Variants in MOXD1 observed in about 807,000 individuals in gnomAD.
MOXD1 encodes DBH-like monooxygenase protein 1.
Under a neutral mutation model 66.6 loss-of-function variants are expected in MOXD1, and 62 were observed. The observed-to-expected ratio is 0.93, with a 90% CI of 0.76 to 1.15. MOXD1 has a LOEUF of 1.15. Ranked by LOEUF, MOXD1 falls within the 50% of genes most tolerant of loss-of-function variation. MOXD1 has a pLI of 0.00. For missense variants in MOXD1, 847 were observed against 754.6 expected, an observed-to-expected ratio of 1.12 and a Z score of -1.44; for synonymous variants, 303 against 281.9, an observed-to-expected ratio of 1.07 and a Z score of -0.75.
At chr6:132,348,857 A>G (rs888909000) in intron 4 of MOXD1, among the ~76,000 whole-genome samples, 1 of 152,200 alleles carries the variant, frequency 6.6e-6, no homozygotes, top group Admixed American at 6.5e-5. Flanking sequence ...CTAAACCAGC[A>G]TTTCTTTTTG....
At chr6:132,297,678 G>C in intron 11 of MOXD1, 109 bp downstream of exon 11, 2 of 1,306,586 alleles carry the variant, frequency 1.5e-6, no homozygotes, top group Non-Finnish European at 2.1e-6. Context: ...GACATTAGAA[G>C]GCAACTGGAC....
intron 4 of MOXD1, among the ~76,000 whole-genome samples, chr6:132,358,330 A>T (rs1009076292): frequency 7.2e-5 from 11 of 152,246 alleles, no homozygotes. Context: ...AGAGTTCAAC[A>T]CAGTAATTCA....
chr6:132,327,533 T>C (rs1024243577), intron 6 of MOXD1, among the ~76,000 whole-genome samples: 1 of 152,210 alleles, frequency 6.6e-6, no homozygotes. Flanking sequence ...TCCTTACATT[T>C]CTTTACTTCA....
intron 6 of MOXD1, among the ~76,000 whole-genome samples, chr6:132,327,612 C>A (rs1406510583): frequency 1.3e-5 from 2 of 152,172 alleles, no homozygotes; most frequent in African/African-American, 4.8e-5. Context: ...TACCACACAA[C>A]AAAATGCTTA....
chr6:132,344,319 C>T (rs1037732391), intron 4 of MOXD1, among the ~76,000 whole-genome samples: 3 of 152,148 alleles, frequency 2.0e-5, no homozygotes, highest in African/African-American at 7.2e-5. Flanking sequence ...ACAAGGTGAT[C>T]ATGAGGATTG....
At chr6:132,358,992 G>A (rs1401146288) in intron 4 of MOXD1, among the ~76,000 whole-genome samples, 3 of 152,144 alleles carry the variant, frequency 2.0e-5, no homozygotes, top group African/African-American at 7.2e-5. Flanking sequence ...AAACACAGCT[G>A]ACATTAGCGA....
rs3736698 is a variant in MOXD1 at position 132,328,184 on chromosome 6, C to T, written c.844-69G>A. Reference sequence around the variant, plus strand: ...CTGAGAGCTCTATTCCACTCAAAAACCAGCCATCTTCAAGGATATTTCAAC... The same window carrying T: ...CTGAGAGCTCTATTCCACTCAAAAATCAGCCATCTTCAAGGATATTTCAAC... On this transcript the variant is annotated intron_variant, in intron 5 of 11. Coordinates refer to ENST00000367963, the MANE Select transcript of MOXD1 (RefSeq NM_015529.4). 1.2e-3 allele frequency: 1,712 copies of T among 1,373,046 alleles called. 24 individuals are homozygous for T. The African/African-American group carries it at 0.022, about 17-fold the overall frequency. 85.1% of individuals were successfully genotyped at this position (1,373,046 alleles called of 1,614,324 possible). A position where few individuals can be genotyped will look rare whatever the true frequency, so the allele number is the denominator to read the frequency against.
At chr6:132,359,729 G>A (rs1010058178) in intron 4 of MOXD1, among the ~76,000 whole-genome samples, 12 of 151,436 alleles carry the variant, frequency 7.9e-5, no homozygotes, top group Admixed American at 2.0e-4. Context: ...CTCATAATCC[G>A]CCCGCCTCTG....
At chr6:132,305,487 C>A (rs1370211118) in intron 10 of MOXD1, among the ~76,000 whole-genome samples, 5 of 152,226 alleles carry the variant, frequency 3.3e-5, no homozygotes, top group African/African-American at 7.2e-5. Flanking sequence ...TTTCTCCCAA[C>A]AAGGCACACA....
intron 1 of MOXD1, among the ~76,000 whole-genome samples, chr6:132,381,622 GA>G (rs1054882067): frequency 6.6e-6 from 1 of 151,982 alleles, no homozygotes; most frequent in Non-Finnish European, 1.5e-5. Context: ...TGGTTAAACT[GA>G]AAAAAAGTGT....
At chr6:132,367,251 C>A (rs1424712809) in intron 4 of MOXD1, among the ~76,000 whole-genome samples, 1 of 152,014 alleles carries the variant, frequency 6.6e-6, no homozygotes, top group Non-Finnish European at 1.5e-5. Flanking sequence ...CCTCTGTAAT[C>A]CAGAAACCTA....
intron 4 of MOXD1, among the ~76,000 whole-genome samples, chr6:132,343,045 T>C (rs1435845999): frequency 6.6e-6 from 1 of 152,202 alleles, no homozygotes; most frequent in South Asian, 2.1e-4. Context: ...GCTTGAGTAC[T>C]ACAACTTTAT....
At chr6:132,369,773 C>T (rs769481323) in intron 4 of MOXD1, among the ~76,000 whole-genome samples, 1 of 151,994 alleles carries the variant, frequency 6.6e-6, no homozygotes, top group African/African-American at 2.4e-5. Context: ...TGAAGCAGGA[C>T]AGTGCAAGAT....
At chr6:132,400,654 T>C (rs1184387936) in intron 1 of MOXD1, among the ~76,000 whole-genome samples, 1 of 152,146 alleles carries the variant, frequency 6.6e-6, no homozygotes, top group African/African-American at 2.4e-5. Flanking sequence ...CCCTTCATTC[T>C]TCTGGAGAAT....
At chr6:132,387,641 C>G (rs1423494690) in intron 1 of MOXD1, among the ~76,000 whole-genome samples, 3 of 149,032 alleles carry the variant, frequency 2.0e-5, no homozygotes, top group African/African-American at 7.4e-5. Context: ...GTAATCCTAG[C>G]TACTCCGGAG....
At chr6:132,309,314 G>A (rs993713315) in intron 10 of MOXD1, among the ~76,000 whole-genome samples, 2 of 152,024 alleles carry the variant, frequency 1.3e-5, no homozygotes, top group Non-Finnish European at 2.9e-5. Context: ...AGCTAACAAG[G>A]GATGTGAAGG....
chr6:132,308,696 G>A (rs1204617158), intron 10 of MOXD1, among the ~76,000 whole-genome samples: 1 of 152,070 alleles, frequency 6.6e-6, no homozygotes, highest in African/African-American at 2.4e-5. Flanking sequence ...TTCATCCCTG[G>A]GATACAAGGC....
At chr6:132,400,111 C>T (rs1017355035) in intron 1 of MOXD1, among the ~76,000 whole-genome samples, 4 of 152,188 alleles carry the variant, frequency 2.6e-5, no homozygotes, top group Admixed American at 2.0e-4. Flanking sequence ...CCAGAATCAG[C>T]GTTCAAGTTT....
intron 4 of MOXD1, among the ~76,000 whole-genome samples, chr6:132,341,043 T>C (rs1313195842): frequency 6.6e-6 from 1 of 152,170 alleles, no homozygotes; most frequent in Non-Finnish European, 1.5e-5. Flanking sequence ...ATTAATCCTA[T>C]AGGAGTTATA....
Sources: gnomAD v4.1 joint callset for allele counts (sites outside exome capture counted in the v4.1 genomes callset) on GRCh38, gnomAD v4.1.1 for gene constraint, MANE v1.5 for transcripts, NCBI Gene and HGNC (gene_info 2026-07-23, HGNC 2026-07-21) for gene names.